Variants in CFAP47 observed in about 807,000 individuals in gnomAD.
CFAP47 encodes the protein cilia- and flagella-associated protein 47.
A neutral mutation model predicts 148.1 loss-of-function variants in CFAP47; 29 were observed. The ratio of observed to expected loss-of-function variants is 0.20; its 90% CI spans 0.15 to 0.27. The LOEUF is 0.27. Ranked by LOEUF, CFAP47 falls within the 10% of genes least tolerant of loss-of-function variation. CFAP47 has a pLI of 1.00. For synonymous variants in CFAP47, 664 were observed against 577.3 expected (o/e 1.15, Z -2.15); for missense variants, 1,872 against 1,697.5 (o/e 1.10, Z -1.81).
intron 59 of CFAP47, among the ~76,000 whole-genome samples, chrX:36,351,050 C>T (rs1941739871): frequency 9.0e-6 from 1 of 111,725 alleles, no homozygotes; most frequent in African/African-American, 3.2e-5. Context: ...GTTAGACTTC[C>T]ACTGATGTAA....
At chrX:36,248,496 TCA>T (rs60595897) in intron 48 of CFAP47, among the ~76,000 whole-genome samples, 2,040 of 95,297 alleles carry the variant, frequency 0.021, 17 homozygotes, top group Non-Finnish European at 0.03. Context: ...ACATATTATA[TCA>T]CACACACACA....
Position 36,085,355 on chromosome X carries a change from C to A in CFAP47, c.4733C>A (p.Pro1578His), listed in dbSNP as rs1272389628. 2.5e-6 allele frequency: 3 copies of A among 1,203,778 alleles called. No individual in the cohort carries two copies. The highest frequency in any genetic ancestry group is 3.4e-6 in the Non-Finnish European group (3 of 891,458). The change falls in exon 30 of 64, where the codon CCC becomes CAC. Residue 1578 changes from proline to histidine, a missense_variant. Transcript: ENST00000378653. ...CAATTCTACTCATCAACCTCGCCAC[C>A]CCAAAAGTTTTCCAGACAGAATGAC... ...KMQFYSSTSP[P>H]QKFSRQNDFS...
At chrX:35,941,178 T>A in intron 2 of CFAP47, 105 bp from the exon 3 acceptor site, 3 of 421,828 alleles carry the variant, frequency 7.1e-6, no homozygotes. Flanking sequence ...TAAACTGAAA[T>A]GTCTTTTAAG....
chrX:35,978,762 T>G (rs758313925), intron 15 of CFAP47, among the ~76,000 whole-genome samples: 1 of 111,943 alleles, frequency 8.9e-6, no homozygotes, highest in Non-Finnish European at 1.9e-5. Flanking sequence ...GAAAGTGACT[T>G]TTTACCAAGC....
chrX:36,022,855 G>C (rs1937175065), intron 22 of CFAP47, among the ~76,000 whole-genome samples: 1 of 111,265 alleles, frequency 9.0e-6, no homozygotes, highest in Non-Finnish European at 1.9e-5. Context: ...ATAGAATTGT[G>C]AATTCCTTTT....
chrX:36,152,726 T>C (rs984716800), intron 37 of CFAP47, among the ~76,000 whole-genome samples: 6 of 111,748 alleles, frequency 5.4e-5, no homozygotes, highest in Non-Finnish European at 9.4e-5. Flanking sequence ...AGGGTCTTAA[T>C]TGGAACCTTG....
intron 45 of CFAP47, among the ~76,000 whole-genome samples, chrX:36,227,617 G>C (rs868940002): frequency 1.8e-5 from 2 of 111,942 alleles, no homozygotes; most frequent in Middle Eastern, 4.6e-3. Flanking sequence ...CACATTTGAA[G>C]TGTTCACTTT....
At chrX:36,311,610 T>C in intron 56 of CFAP47, among the ~76,000 whole-genome samples, 1 of 111,163 alleles carries the variant, frequency 9.0e-6, no homozygotes, top group Non-Finnish European at 1.9e-5. Context: ...CTACTAAAAC[T>C]ATTATTAGTG....
intron 33 of CFAP47, among the ~76,000 whole-genome samples, chrX:36,125,257 G>A (rs923846440): frequency 1.8e-5 from 2 of 111,465 alleles, no homozygotes; most frequent in Admixed American, 1.9e-4. Flanking sequence ...GTTTAGCACT[G>A]TTCTAGGGAT....
At chrX:36,246,198 G>A (rs1407196984) in intron 48 of CFAP47, among the ~76,000 whole-genome samples, 1 of 111,388 alleles carries the variant, frequency 9.0e-6, no homozygotes, top group Admixed American at 9.6e-5. Context: ...GAATCTATAA[G>A]GAACTTAAAT....
At chrX:35,938,647 A>G (rs1454474689) in intron 2 of CFAP47, among the ~76,000 whole-genome samples, 1 of 111,429 alleles carries the variant, frequency 9.0e-6, no homozygotes, top group African/African-American at 3.3e-5. Context: ...CCCTATTTAA[A>G]ATTTTTTGAT....
chrX:36,163,957 G>T (rs1400193843), intron 39 of CFAP47, among the ~76,000 whole-genome samples: 1 of 111,799 alleles, frequency 8.9e-6, no homozygotes, highest in African/African-American at 3.2e-5. Context: ...TAACCCACCA[G>T]TTATTTCGGA....
chrX:36,158,936 G>A (rs1242731793), intron 37 of CFAP47, among the ~76,000 whole-genome samples: 1 of 111,642 alleles, frequency 9.0e-6, no homozygotes, highest in Non-Finnish European at 1.9e-5. Flanking sequence ...GAAGATTAAG[G>A]AGGATGAAAA....
At chrX:36,260,961 A>G (rs1216203149) in intron 49 of CFAP47, among the ~76,000 whole-genome samples, 2 of 111,006 alleles carry the variant, frequency 1.8e-5, no homozygotes, top group Non-Finnish European at 3.8e-5. Context: ...TTGAATAGGG[A>G]GTCCATTACT....
At chrX:36,371,920 A>ATACACACATGTGTATATGTG (rs1941967582) in intron 62 of CFAP47, among the ~76,000 whole-genome samples, 1 of 54,271 alleles carries the variant, frequency 1.8e-5, no homozygotes, top group African/African-American at 2.9e-4. Context: ...GTGTGTATAT[A>ATACACACATGTGTATATGTG]TGTGTATATA....
At chrX:36,068,871 A>C (rs994941687) in intron 27 of CFAP47, among the ~76,000 whole-genome samples, 1 of 107,996 alleles carries the variant, frequency 9.3e-6, no homozygotes, top group Non-Finnish European at 1.9e-5. Flanking sequence ...CAGGAGAATC[A>C]CTTGAACCGA....
intron 22 of CFAP47, among the ~76,000 whole-genome samples, chrX:36,027,160 A>G (rs992463296): frequency 4.1e-4 from 43 of 104,999 alleles, no homozygotes; most frequent in Admixed American, 7.4e-4. Context: ...ATGATTATAT[A>G]TATGTGATTA....
chrX:36,231,624 C>T (rs1555992708), intron 46 of CFAP47, among the ~76,000 whole-genome samples: 1 of 111,001 alleles, frequency 9.0e-6, no homozygotes, highest in Non-Finnish European at 1.9e-5. Context: ...TGCCTGACTG[C>T]CCTGGCCAGA....
chrX:36,171,303 T>G (rs1246657387), intron 39 of CFAP47, among the ~76,000 whole-genome samples: 1 of 110,402 alleles, frequency 9.1e-6, no homozygotes, highest in Non-Finnish European at 1.9e-5. Context: ...TGAGTTTAAT[T>G]AGATCCCATT....
Sources: gnomAD v4.1 joint callset for allele counts (sites outside exome capture counted in the v4.1 genomes callset) on GRCh38, gnomAD v4.1.1 for gene constraint, MANE v1.5 for transcripts, NCBI Gene and HGNC (gene_info 2026-07-23, HGNC 2026-07-21) for gene names.